Variants in P3H4 observed in about 807,000 individuals in gnomAD.
P3H4 encodes the protein prolyl 3-hydroxylase family member 4 (inactive), also known as endoplasmic reticulum protein SC65.
In P3H4, 47 loss-of-function variants were observed where a neutral mutation model predicts 52.9. That is an observed-to-expected ratio of 0.89 (90% confidence interval 0.70 to 1.13). P3H4 has a LOEUF of 1.13. Ranked by LOEUF, P3H4 falls within the 50% of genes most tolerant of loss-of-function variation. P3H4 has a pLI of 0.00. For synonymous variants in P3H4, 256 were observed against 267.9 expected (o/e 0.96, Z 0.44); for missense variants, 585 against 611.0 (o/e 0.96, Z 0.45).
rs781886074 is a variant in P3H4 at position 41,809,856 on chromosome 17, G to A, written c.788-22C>T. The A allele has an allele frequency of 1.9e-6, 3 of 1,604,942 alleles. 1 individual carries two copies. The South Asian group carries it at 3.3e-5, about 18-fold the overall frequency. On this transcript the variant is annotated intron_variant, in intron 3 of 7. Transcript: ENST00000393928. Reference sequence around the variant, plus strand: ...AGATCTGAGGGTGGGAGGCAGCAGTGAGAGGCTGGCATTGCAATGAACATC... The same window carrying A: ...AGATCTGAGGGTGGGAGGCAGCAGTAAGAGGCTGGCATTGCAATGAACATC...
At position 41,809,819 on chromosome 17, in the gene P3H4, G is replaced by A; in HGVS notation, c.803C>T (p.Ser268Phe). ...CTCACAGTCCACCTTGCACTGCAGG[G>A]ACTCTGCAAAGAGATCTGAGGGTGG... Reference protein sequence around the residue: ...YPAIADLFAESLQCKVDCEAN... With the variant: ...YPAIADLFAEFLQCKVDCEAN... The change falls in exon 4 of 8, where the codon TCC (serine) becomes TTC (phenylalanine). Residue 268 changes from serine (S) to phenylalanine (F), a missense_variant. Ser to Phe is a radical substitution (Grantham distance 155). Coordinates refer to ENST00000393928, the MANE Select transcript of P3H4 (RefSeq NM_006455.3). 1 of 1,612,728 alleles carries A rather than the reference G, an allele frequency of 6.2e-7. No homozygotes were observed. The highest frequency in any genetic ancestry group is 8.5e-7 in the Non-Finnish European group (1 of 1,179,370).
Position 41,811,170 on chromosome 17 carries a change from CG to C in P3H4, c.576del (p.Asp193ThrfsTer7), listed in dbSNP as rs2047729504. Reference sequence around the variant, plus strand: ...GCCTCTAGGTCCGTGAGGGACTCGTCGGCGACGTCCAGCATCCCCTGATAGT... The same window carrying C: ...GCCTCTAGGTCCGTGAGGGACTCGTCGCGACGTCCAGCATCCCCTGATAGT... ...LNYYQGMLDV[A>X]DESLTDLEAQ... On this transcript the variant is annotated frameshift_variant, in exon 2 of 8. Transcript: ENST00000393928. LOFTEE classifies it high-confidence loss of function. This position sits in a 1 kb window ranked among gnomAD's most constrained non-coding sequence, Gnocchi z 4.8. 2 of 1,614,084 alleles carry C rather than the reference CG, an allele frequency of 1.2e-6. No homozygotes were observed. Among genetic ancestry groups the C allele is most frequent in the Non-Finnish European group, 1.7e-6 (2 of 1,180,044 alleles).
chr17:41,811,074 C>G lies in P3H4; in HGVS notation c.616-40G>C. On this transcript the variant is annotated intron_variant, in intron 2 of 7. Coordinates refer to ENST00000393928, the MANE Select transcript of P3H4 (RefSeq NM_006455.3). This position sits in a 1 kb window ranked among gnomAD's most constrained non-coding sequence, Gnocchi z 4.8. ...GCAGGGGGAGTCAGGGCGCCCCCAA[C>G]ATCTCCCCTCCTCTACTAGCCCTCC... 6.2e-7 allele frequency: 1 copy of G among 1,608,184 alleles called. No individual in the cohort carries two copies. The highest frequency in any genetic ancestry group is 8.5e-7 in the Non-Finnish European group (1 of 1,175,476).
In P3H4 at chr17:41,811,825, C is replaced by G. The variant is rs1471225452; in HGVS notation, c.91G>C (p.Glu31Gln). 1 of 1,540,736 alleles carries G rather than the reference C, an allele frequency of 6.5e-7. No homozygotes were observed. Among genetic ancestry groups the G allele is most frequent in the East Asian group, 2.6e-5 (1 of 38,476 alleles). The change falls in exon 1 of 8, where the codon GAG becomes CAG. Residue 31 changes from glutamate to glutamine, a missense_variant. Transcript: ENST00000393928. The surrounding 1 kb of genome is among the most constrained non-coding windows in gnomAD (Gnocchi z 4.8). ...GCCGCGGCCAGCGGCATCAGGTCCT[C>G]GGGCGGGAAGCCCCGGAAGCTGTAC... ...EKYSFRGFPP[E>Q]DLMPLAAAYG...
At chr17:41,805,306 A>AAACAAACAAACAAC (rs1555614054) in intron 6 of P3H4, among the ~76,000 whole-genome samples, 3 of 124,266 alleles carry the variant, frequency 2.4e-5, no homozygotes, top group Admixed American at 1.6e-4. Flanking sequence ...AACAAACAAA[A>AAACAAACAAACAAC]AAACATACTT....
Position 41,806,891 on chromosome 17 carries a change from G to A in P3H4, c.1063-12C>T. On this transcript the variant is annotated splice_polypyrimidine_tract_variant and intron_variant, in intron 5 of 7. Coordinates refer to ENST00000393928, the MANE Select transcript of P3H4 (RefSeq NM_006455.3). ...TAGAGCATGGCCTCCTGGAAGGAGG[G>A]AAGGACGGGGTGGGGGGTGAGCCAT... The A allele has an allele frequency of 2.5e-6, 4 of 1,608,904 alleles. No individual in the cohort carries two copies. The highest frequency in any genetic ancestry group is 3.4e-6 in the Non-Finnish European group (4 of 1,176,466).
At chr17:41,805,516 G>A (rs960845191) in intron 6 of P3H4, among the ~76,000 whole-genome samples, 4 of 151,698 alleles carry the variant, frequency 2.6e-5, no homozygotes, top group African/African-American at 9.7e-5. Context: ...ATAGAGACAG[G>A]GTTTCACTAT....
intron 6 of P3H4, among the ~76,000 whole-genome samples, chr17:41,805,290 A>AAACAAACAAACAAAC (rs2047662188): frequency 1.1e-5 from 1 of 87,094 alleles, no homozygotes; most frequent in Non-Finnish European, 2.7e-5. Context: ...CTCTGTCTCA[A>AAACAAACAAACAAAC]AAACAAACAA....
intron 6 of P3H4, 53 bp from the exon 7 acceptor site, chr17:41,803,484 C>A: frequency 6.5e-7 from 1 of 1,545,294 alleles, no homozygotes; most frequent in South Asian, 1.2e-5. Context: ...CGCCCAAACC[C>A]ATATGGGCTC....
chr17:41,806,930 A>C, intron 5 of P3H4, 51 bp from the exon 6 acceptor site: 1 of 1,459,526 alleles, frequency 6.9e-7, no homozygotes, highest in Non-Finnish European at 9.5e-7. Context: ...CTGTTGCCAG[A>C]TGGCAAGAAG....
In P3H4 at chr17:41,811,637, G is replaced by A; in HGVS notation, c.279C>T (p.Gly93=). The A allele has an allele frequency of 6.9e-7, 1 of 1,458,082 alleles. No individual in the cohort carries two copies. Among genetic ancestry groups the A allele is most frequent in the Non-Finnish European group, 9.0e-7 (1 of 1,115,716 alleles). The allele number at this position is 1,458,082 out of a possible 1,614,324, so 90.3% of individuals were successfully genotyped here. The change falls in exon 1 of 8, where the codon GGC becomes GGT. Residue 93 remains glycine (G), a synonymous_variant. Coordinates refer to ENST00000393928, the MANE Select transcript of P3H4 (RefSeq NM_006455.3). The surrounding 1 kb of genome is among the most constrained non-coding windows in gnomAD (Gnocchi z 4.8). Reference sequence around the variant, plus strand: ...CGCAGGCCCACTCGTCTGCGCGGCCGCCGTCGGGATCGGGCTTGGCCGCGG... The same window carrying A: ...CGCAGGCCCACTCGTCTGCGCGGCCACCGTCGGGATCGGGCTTGGCCGCGG... ...PAPAAKPDPD[G]GRADEWACEL...
Position 41,811,542 on chromosome 17 carries a change from G to T in P3H4, c.374C>A (p.Ala125Asp), listed in dbSNP as rs201256445. The T allele has an allele frequency of 1.1e-4, 177 of 1,610,404 alleles. No homozygotes were observed. The highest frequency in any genetic ancestry group is 1.5e-4 in the Non-Finnish European group (173 of 1,179,172). ...CLRRCKRTLP[A>D]FQVPYPPRQL... The stretch of plus-strand genomic sequence containing the variant: ...CCGCGGCGGGTAGGGCACCTGGAAG[G>T]CGGGCAGCGTCCGCTTGCAGCGCCG... The change falls in exon 1 of 8, where the codon GCC (alanine) becomes GAC (aspartate). Residue 125 changes from alanine (A) to aspartate (D), a missense_variant. Physicochemically the swap from Ala to Asp is moderately radical, Grantham distance 126. Coordinates refer to ENST00000393928, the MANE Select transcript of P3H4 (RefSeq NM_006455.3). This position sits in a 1 kb window ranked among gnomAD's most constrained non-coding sequence, Gnocchi z 4.8.
chr17:41,810,706 C>T, intron 3 of P3H4, 157 bp downstream of exon 3: 1 of 903,004 alleles, frequency 1.1e-6, no homozygotes, highest in Non-Finnish European at 1.6e-6. Context: ...ACACTCCCAG[C>T]TGGGGCCCCT....
intron 7 of P3H4, 151 bp downstream of exon 7, chr17:41,803,136 G>C: frequency 7.0e-7 from 1 of 1,421,810 alleles, no homozygotes; most frequent in Non-Finnish European, 9.5e-7. Flanking sequence ...CCCCAAGCGG[G>C]ACAGGGGTTG....
In P3H4 at chr17:41,811,075, A is replaced by C. The variant is rs1555614970; in HGVS notation, c.616-41T>G. Reference sequence around the variant, plus strand: ...CAGGGGGAGTCAGGGCGCCCCCAACATCTCCCCTCCTCTACTAGCCCTCCT... The same window carrying C: ...CAGGGGGAGTCAGGGCGCCCCCAACCTCTCCCCTCCTCTACTAGCCCTCCT... On this transcript the variant is annotated intron_variant, in intron 2 of 7. Coordinates refer to ENST00000393928, the MANE Select transcript of P3H4 (RefSeq NM_006455.3). This position sits in a 1 kb window ranked among gnomAD's most constrained non-coding sequence, Gnocchi z 4.8. 1.2e-6 allele frequency: 2 copies of C among 1,607,726 alleles called. No homozygotes were observed. The highest frequency in any genetic ancestry group is 2.7e-5 in the African/African-American group (2 of 74,660).
At position 41,807,857 on chromosome 17, in the gene P3H4, A is replaced by G. The variant is rs782473487; in HGVS notation, c.1062+2T>C. The G allele has an allele frequency of 6.2e-7, 1 of 1,610,050 alleles. No individual in the cohort carries two copies. Among genetic ancestry groups the G allele is most frequent in the South Asian group, 1.1e-5 (1 of 90,732 alleles). On this transcript the variant is annotated splice_donor_variant, in intron 5 of 7. Coordinates refer to ENST00000393928, the MANE Select transcript of P3H4 (RefSeq NM_006455.3). LOFTEE classifies it high-confidence loss of function. ...GCAAGTGCCCCAGAAAGCAGTGCCC[A>G]CCTCCCGGGGCTGGAAGTCCTCCTC...
chr17:41,803,375 G>A lies in P3H4; in HGVS notation c.1203C>T (p.Ala401=), dbSNP rs34539402. ...CGTAGTCACCCTCCCCCTCAAACTC[G>A]GCGTCAGATAGGGCATCCTCAGGCT... ...PLEPEDALSD[A]EFEGEGDYEE... The change falls in exon 7 of 8, where the codon GCC becomes GCT. Residue 401 remains alanine (A), a synonymous_variant. Transcript: ENST00000393928. 8.8e-3 allele frequency: 14,180 copies of A among 1,613,502 alleles called. 204 individuals carry two copies. Among genetic ancestry groups the A allele is most frequent in the African/African-American group, 0.055 (4,081 of 74,846 alleles).
At chr17:41,810,375 T>C (rs2047716704) in intron 3 of P3H4, among the ~76,000 whole-genome samples, 1 of 151,862 alleles carries the variant, frequency 6.6e-6, no homozygotes, top group South Asian at 2.1e-4. Context: ...GGTTTCACCA[T>C]GTTGGTCAGG....
At chr17:41,808,178 C>A (rs549405466) in intron 4 of P3H4, among the ~76,000 whole-genome samples, 174 bp from the exon 5 acceptor site, 12 of 152,304 alleles carry the variant, frequency 7.9e-5, no homozygotes, top group African/African-American at 2.9e-4. Flanking sequence ...TTACCCTATG[C>A]CAGGCCCTGA....
Sources: allele counts gnomAD v4.1 joint callset (sites outside exome capture counted in the v4.1 genomes callset), GRCh38; gene constraint gnomAD v4.1.1; non-coding constraint Gnocchi (gnomAD v3.1); transcripts MANE v1.5; gene names NCBI Gene and HGNC (gene_info 2026-07-23, HGNC 2026-07-21).